The following SORCS1 variants were observed in gnomAD, a reference collection of about 807,000 sequenced individuals.
SORCS1 encodes VPS10 domain-containing receptor SorCS1.
Under a neutral mutation model 146.1 loss-of-function variants are expected in SORCS1, and 60 were observed. The ratio of observed to expected loss-of-function variants is 0.41; its 90% CI spans 0.33 to 0.51. The LOEUF (loss-of-function observed/expected upper bound fraction) is 0.51, where lower values mean the gene tolerates loss of function less well. SORCS1 is among the 20% of genes least tolerant of loss of function. SORCS1 has a pLI of 0.21. For missense variants in SORCS1, 1,352 were observed against 1,487.6 expected, an observed-to-expected ratio of 0.91 and a Z score of 1.50; for synonymous variants, 637 against 584.0, an observed-to-expected ratio of 1.09 and a Z score of -1.31.
chr10:106,755,174 G>A (rs909307390), intron 5 of SORCS1, among the ~76,000 whole-genome samples: 1 of 152,126 alleles, frequency 6.6e-6, no homozygotes, highest in Non-Finnish European at 1.5e-5. Context: ...CATGTTCTTT[G>A]TTCAGTGTCA....
At chr10:106,961,531 C>T (rs1033474732) in intron 1 of SORCS1, among the ~76,000 whole-genome samples, 1 of 152,234 alleles carries the variant, frequency 6.6e-6, no homozygotes, top group Non-Finnish European at 1.5e-5. Context: ...GCGTCTTCCT[C>T]TCTTCATTTA....
chr10:106,877,592 A>G (rs1251849595), intron 2 of SORCS1, among the ~76,000 whole-genome samples: 1 of 152,214 alleles, frequency 6.6e-6, no homozygotes, highest in Non-Finnish European at 1.5e-5. Context: ...ATGTTTGGTG[A>G]CAGGTGGGAA....
At chr10:107,046,688 G>A (rs952348497) in intron 1 of SORCS1, among the ~76,000 whole-genome samples, 1 of 152,166 alleles carries the variant, frequency 6.6e-6, no homozygotes, top group African/African-American at 2.4e-5. Context: ...AATCTGAAAA[G>A]AGGAAGGGCT....
chr10:106,965,245 G>GT (rs1955445221), intron 1 of SORCS1, among the ~76,000 whole-genome samples: 1 of 151,930 alleles, frequency 6.6e-6, no homozygotes, highest in Non-Finnish European at 1.5e-5. Context: ...ATGGGTTTTT[G>GT]TGGTTTTTGT....
chr10:106,949,065 CA>C (rs1954529022), intron 2 of SORCS1, among the ~76,000 whole-genome samples: 1 of 152,018 alleles, frequency 6.6e-6, no homozygotes, highest in African/African-American at 2.4e-5. Flanking sequence ...ATCTAGAATC[CA>C]AAAAGCCACA....
intron 2 of SORCS1, among the ~76,000 whole-genome samples, chr10:106,909,164 C>T (rs759036288): frequency 5.3e-5 from 8 of 152,174 alleles, no homozygotes; most frequent in Admixed American, 6.5e-5. Flanking sequence ...GGTTCTGACA[C>T]GGGCTTTTGA....
chr10:106,945,143 C>A (rs1954266233), intron 2 of SORCS1, among the ~76,000 whole-genome samples: 1 of 151,892 alleles, frequency 6.6e-6, no homozygotes, highest in Admixed American at 6.6e-5. Context: ...CTGCCTCGGC[C>A]TCCCAAAGTG....
At chr10:107,154,833 T>C (rs1350331983) in intron 1 of SORCS1, among the ~76,000 whole-genome samples, 1 of 152,238 alleles carries the variant, frequency 6.6e-6, no homozygotes, top group Non-Finnish European at 1.5e-5. Context: ...TAAGAAGTTA[T>C]ATTATCTCTG....
At chr10:106,859,419 G>A (rs979013122) in intron 2 of SORCS1, among the ~76,000 whole-genome samples, 1 of 151,706 alleles carries the variant, frequency 6.6e-6, no homozygotes, top group Admixed American at 6.6e-5. Context: ...TTTTGAGACT[G>A]GGTCTCACTT....
At chr10:106,861,865 G>A (rs1358137100) in intron 2 of SORCS1, among the ~76,000 whole-genome samples, 19 of 152,198 alleles carry the variant, frequency 1.2e-4, no homozygotes, top group African/African-American at 3.9e-4. Flanking sequence ...CTCCAGCCTG[G>A]TGACAGGGCG....
intron 3 of SORCS1, among the ~76,000 whole-genome samples, chr10:106,826,469 AT>A (rs1440133617): frequency 6.6e-6 from 1 of 152,206 alleles, no homozygotes; most frequent in African/African-American, 2.4e-5. Flanking sequence ...AGAGCCTGAA[AT>A]TTCTTTCTTT....
intron 2 of SORCS1, among the ~76,000 whole-genome samples, chr10:106,901,561 G>A (rs1951701500): frequency 6.6e-6 from 1 of 152,250 alleles, no homozygotes; most frequent in Non-Finnish European, 1.5e-5. Context: ...GCCTCCCAAA[G>A]TACCTGAGAC....
intron 2 of SORCS1, among the ~76,000 whole-genome samples, chr10:106,876,878 A>C (rs1254943655): frequency 6.6e-6 from 1 of 152,176 alleles, no homozygotes; most frequent in Non-Finnish European, 1.5e-5. Flanking sequence ...AGCCACTTTA[A>C]TCAGTCCTTC....
chr10:107,068,783 T>C (rs1962150176), intron 1 of SORCS1, among the ~76,000 whole-genome samples: 1 of 149,146 alleles, frequency 6.7e-6, no homozygotes, highest in East Asian at 2.0e-4. Flanking sequence ...GGCAGGAGAA[T>C]GGTGTGAACC....
At chr10:106,621,627 A>C (rs1388546401) in intron 19 of SORCS1, among the ~76,000 whole-genome samples, 1 of 151,872 alleles carries the variant, frequency 6.6e-6, no homozygotes, top group African/African-American at 2.4e-5. Context: ...CTTTGCCTCC[A>C]GCAATCAAAT....
intron 17 of SORCS1, among the ~76,000 whole-genome samples, chr10:106,654,864 T>G (rs1175902578): frequency 2.0e-5 from 3 of 152,162 alleles, no homozygotes; most frequent in Non-Finnish European, 1.5e-5. Context: ...ATTTTTTTTT[T>G]TTGTTTGAGA....
chr10:106,700,389 T>C (rs978125215), intron 8 of SORCS1, among the ~76,000 whole-genome samples: 8 of 152,110 alleles, frequency 5.3e-5, no homozygotes, highest in Admixed American at 2.6e-4. Flanking sequence ...TTGCCCAAGA[T>C]AGTAGTCATA....
chr10:106,921,098 C>A (rs1168904228), intron 2 of SORCS1, among the ~76,000 whole-genome samples: 1 of 152,168 alleles, frequency 6.6e-6, no homozygotes, highest in Non-Finnish European at 1.5e-5. Flanking sequence ...AGGCAGGCAT[C>A]AGATCTCAAT....
intron 1 of SORCS1, among the ~76,000 whole-genome samples, chr10:107,010,732 G>T (rs1267843233): frequency 7.9e-5 from 12 of 152,166 alleles, no homozygotes; most frequent in African/African-American, 2.2e-4. Context: ...TAAGTTGGCG[G>T]TCCCCTTCCT....
Sources: allele counts gnomAD v4.1 joint callset (sites outside exome capture counted in the v4.1 genomes callset), GRCh38; gene constraint gnomAD v4.1.1; transcripts MANE v1.5; gene names NCBI Gene and HGNC (gene_info 2026-07-23, HGNC 2026-07-21).